RYR1: variants seen among roughly 807,000 people sequenced by gnomAD.
The protein encoded by RYR1 is ryanodine receptor 1, also known as central core disease of muscle.
RYR1 carries 342 observed loss-of-function variants against 583.5 expected under a neutral mutation model. The observed-to-expected ratio is 0.59, with a 90% CI of 0.54 to 0.64. The LOEUF is 0.64. Ranked by LOEUF, RYR1 falls within the 30% of genes least tolerant of loss-of-function variation. RYR1 has a pLI of 0.00. For synonymous variants in RYR1, 2,791 were observed against 2,822.5 expected (o/e 0.99, Z 0.35); for missense variants, 6,032 against 6,917.2 (o/e 0.87, Z 4.54).
At chr19:38,489,511 G>C (rs960157171) in intron 35 of RYR1, 68 bp downstream of exon 35, 7 of 1,583,678 alleles carry the variant, frequency 4.4e-6, no homozygotes, top group Non-Finnish European at 6.1e-6. Flanking sequence ...TAGGTGGGAT[G>C]TGAGTCTGGA....
intron 89 of RYR1, among the ~76,000 whole-genome samples, chr19:38,557,051 C>CTTTTTTTT (rs35027525): frequency 7.4e-4 from 81 of 108,806 alleles, no homozygotes; most frequent in Non-Finnish European, 9.4e-4. Context: ...AGTCTCATTT[C>CTTTTTTTT]TTTTTTTTTT....
chr19:38,444,696 C>T lies in RYR1; in HGVS notation c.631+19C>T, dbSNP rs1438877803. 6.4e-7 allele frequency: 1 copy of T among 1,565,686 alleles called. No individual in the cohort carries two copies. The highest frequency in any genetic ancestry group is 1.1e-5 in the South Asian group (1 of 89,204). On this transcript the variant is annotated intron_variant, in intron 7 of 105. Coordinates refer to ENST00000359596, the MANE Select transcript of RYR1 (RefSeq NM_000540.3). The surrounding 1 kb of genome is among the most constrained non-coding windows in gnomAD (Gnocchi z 5.1). ...GAAGAGGGTGAGGGCCCCAGACCTC[C>T]CCCTAAATGGAGATCCCCCCAAAAC...
chr19:38,478,317 G>A (rs1968844519), intron 30 of RYR1, 118 bp from the exon 31 acceptor site: 2 of 1,115,086 alleles, frequency 1.8e-6, no homozygotes, highest in Non-Finnish European at 1.3e-6. Flanking sequence ...TCTGCAGGCG[G>A]TGGGTGTTTG....
rs71165555 is a variant in RYR1 at position 38,520,693 on chromosome 19, C to CAAAAAAAAAAAAAAAAAAAAA, written c.10259+1245_10259+1265dup. Among the ~76,000 whole-genome samples, 43 of 46,898 alleles carry CAAAAAAAAAAAAAAAAAAAAA rather than the reference C, an allele frequency of 9.2e-4. 3 individuals carry two copies. The highest frequency in any genetic ancestry group is 5.2e-3 in the East Asian group (4 of 772). 30.8% of individuals were successfully genotyped at this position (46,898 alleles called of 152,430 possible). On this transcript the variant is annotated intron_variant, in intron 67 of 105. Transcript: ENST00000359596. ...CTAGGAACAGAGCGAGGCTCCACCTCAAAAAAAAAAAAAAAAAAAAAAAAA... is the reference window on the plus strand; with the variant it reads ...CTAGGAACAGAGCGAGGCTCCACCTCAAAAAAAAAAAAAAAAAAAAAAAAAAAAAAAAAAAAAAAAAAAAAA...
rs765048333 is a variant in RYR1 at position 38,525,546 on chromosome 19, C to T, written c.10626+44C>T. On this transcript the variant is annotated intron_variant, in intron 71 of 105. Transcript: ENST00000359596. ...CCTCGGAACCTTCCAGGATGCCGCC[C>T]AGCACCCACTGAACCCCTGGGACCT... The T allele has an allele frequency of 1.9e-6, 3 of 1,599,234 alleles. No homozygotes were observed. In the Admixed American group the frequency reaches 5.2e-5, roughly 28 times the overall value.
At chr19:38,461,721 G>GAAAAAAA (rs34209906) in intron 20 of RYR1, among the ~76,000 whole-genome samples, 2 of 75,108 alleles carry the variant, frequency 2.7e-5, no homozygotes, top group African/African-American at 5.3e-5. Flanking sequence ...GCAAAACCCT[G>GAAAAAAA]AAAAAAAAAA....
At chr19:38,524,182 T>A (rs1264994217) in intron 70 of RYR1, among the ~76,000 whole-genome samples, 1 of 138,404 alleles carries the variant, frequency 7.2e-6, no homozygotes, top group Non-Finnish European at 1.5e-5. Flanking sequence ...TGGACTTTTG[T>A]TCCCAAAAAA....
At chr19:38,467,372 C>T (rs909631260) in intron 24 of RYR1, among the ~76,000 whole-genome samples, 2 of 152,152 alleles carry the variant, frequency 1.3e-5, no homozygotes, top group Admixed American at 1.3e-4. Context: ...CTGCCAGTAT[C>T]CCTGTTTTCT....
At chr19:38,463,634 T>C (rs1967911926) in intron 21 of RYR1, 107 bp downstream of exon 21, 2 of 1,444,268 alleles carry the variant, frequency 1.4e-6, no homozygotes, top group African/African-American at 2.8e-5. Flanking sequence ...CACCAGGGGG[T>C]CCTTGGACTG....
intron 99 of RYR1, among the ~76,000 whole-genome samples, chr19:38,579,016 C>G (rs955609869): frequency 6.6e-6 from 1 of 151,894 alleles, no homozygotes; most frequent in African/African-American, 2.4e-5. Flanking sequence ...AGCCACTCAA[C>G]AAGCTGCGGT....
intron 73 of RYR1, 30 bp downstream of exon 73, chr19:38,527,814 G>T (rs1183394830): frequency 6.2e-7 from 1 of 1,612,820 alleles, no homozygotes; most frequent in Non-Finnish European, 8.5e-7. Context: ...TCTTTCTACT[G>T]GGTCTCTGGG....
At chr19:38,530,229 C>T (rs1971670358) in intron 76 of RYR1, among the ~76,000 whole-genome samples, 1 of 152,060 alleles carries the variant, frequency 6.6e-6, no homozygotes. Context: ...GCTGGGACTA[C>T]AGGCGTGAGC....
At chr19:38,475,484 C>T (rs1219286403) in intron 29 of RYR1, 34 bp downstream of exon 29, 1 of 1,611,828 alleles carries the variant, frequency 6.2e-7, no homozygotes, top group African/African-American at 1.3e-5. Flanking sequence ...TTGGGGTCCC[C>T]CCGCATAGCA....
In RYR1 at chr19:38,535,333, T is replaced by G; in HGVS notation, c.11457T>G (p.Leu3819=). 1 of 1,614,132 alleles carries G rather than the reference T, an allele frequency of 6.2e-7. No individual in the cohort carries two copies. Residue 3819 remains leucine, a synonymous_variant, in exon 81 of 106, where the codon CTT becomes CTG. Coordinates refer to ENST00000359596, the MANE Select transcript of RYR1 (RefSeq NM_000540.3). ...CTCTGCAGAAAATGCTGGATTATCT[T>G]AAGGACAAGAAGGAAGTTGGCTTCT... ...AEVQQKMLDY[L]KDKKEVGFFQ...
At chr19:38,446,401 A>C in intron 7 of RYR1, 71 bp from the exon 8 acceptor site, 1 of 1,180,146 alleles carries the variant, frequency 8.5e-7, no homozygotes, top group Non-Finnish European at 1.3e-6. Context: ...AGGGCCCCTG[A>C]CTTCATCTTG....
chr19:38,496,169 C>A lies in RYR1; in HGVS notation c.6549-46C>A. The A allele has an allele frequency of 2.0e-6, 3 of 1,533,166 alleles. No homozygotes were observed. The highest frequency in any genetic ancestry group is 2.7e-5 in the African/African-American group (2 of 73,446). 95.0% of individuals were successfully genotyped at this position (1,533,166 alleles called of 1,614,324 possible). A position where few individuals can be genotyped will look rare whatever the true frequency, so the allele number is the denominator to read the frequency against. ...GTCACAGTGGTGGCTATGGCCCTCT[C>A]CGGACCTGGGCCCCTGGTGACCCCG... On this transcript the variant is annotated intron_variant, in intron 39 of 105. Transcript: ENST00000359596. The surrounding 1 kb of genome is among the most constrained non-coding windows in gnomAD (Gnocchi z 4.8).
intron 22 of RYR1, 131 bp from the exon 23 acceptor site, chr19:38,464,508 G>C (rs1600705616): frequency 5.7e-6 from 4 of 701,644 alleles, no homozygotes; most frequent in South Asian, 4.8e-5. Context: ...GATCAAGAGA[G>C]ACAGGGCCAG....
At chr19:38,525,242 C>T (rs1971414081) in intron 70 of RYR1, 90 bp from the exon 71 acceptor site, 18 of 1,517,520 alleles carry the variant, frequency 1.2e-5, no homozygotes, top group Non-Finnish European at 1.6e-5. Context: ...GGTGTCCAGA[C>T]TGGGGCCTGG....
intron 47 of RYR1, among the ~76,000 whole-genome samples, chr19:38,501,800 A>G (rs1371840307): frequency 1.3e-5 from 2 of 152,152 alleles, no homozygotes; most frequent in African/African-American, 2.4e-5. Context: ...CCTGGGCAAC[A>G]TGGAGAGATC....
Sources: gnomAD v4.1 joint callset for allele counts (sites outside exome capture counted in the v4.1 genomes callset) on GRCh38, gnomAD v4.1.1 for gene constraint, Gnocchi (gnomAD v3.1) non-coding constraint, MANE v1.5 for transcripts, NCBI Gene and HGNC (gene_info 2026-07-23, HGNC 2026-07-21) for gene names.